Variants in PRKG1 observed in about 807,000 individuals in gnomAD.
PRKG1 encodes the protein cGMP-dependent protein kinase 1.
Under a neutral mutation model 88.1 loss-of-function variants are expected in PRKG1, and 35 were observed. That is an observed-to-expected ratio of 0.40 (90% CI 0.30 to 0.53). The LOEUF (loss-of-function observed/expected upper bound fraction) is 0.53. Ranked by LOEUF, PRKG1 falls within the 20% of genes least tolerant of loss-of-function variation. PRKG1 has a pLI of 0.59. For synonymous variants in PRKG1, 303 were observed against 292.5 expected (o/e 1.04, Z -0.37); for missense variants, 540 against 839.8 (o/e 0.64, Z 4.41).
At chr10:51,523,473 G>A (rs994689025) in intron 3 of PRKG1, among the ~76,000 whole-genome samples, 13 of 152,170 alleles carry the variant, frequency 8.5e-5, no homozygotes, top group Non-Finnish European at 1.6e-4. Context: ...GAAGCCCAGT[G>A]CTTCATGACC....
At chr10:51,643,060 T>C (rs946154004) in intron 3 of PRKG1, among the ~76,000 whole-genome samples, 1 of 152,202 alleles carries the variant, frequency 6.6e-6, no homozygotes, top group Non-Finnish European at 1.5e-5. Flanking sequence ...GCTACTGAGA[T>C]GTAATGATAG....
intron 1 of PRKG1, among the ~76,000 whole-genome samples, chr10:51,006,032 G>A (rs1271150288): frequency 6.6e-6 from 1 of 152,182 alleles, no homozygotes; most frequent in Non-Finnish European, 1.5e-5. Context: ...AGGCTGGAGG[G>A]GGAGGTGTGC....
intron 4 of PRKG1, among the ~76,000 whole-genome samples, chr10:51,851,195 G>A (rs190059345): frequency 6.6e-6 from 1 of 152,268 alleles, no homozygotes; most frequent in East Asian, 1.9e-4. Context: ...TTAACAGCAT[G>A]TATTCATCCT....
intron 3 of PRKG1, among the ~76,000 whole-genome samples, chr10:51,495,351 TC>T (rs1840823185): frequency 6.6e-6 from 1 of 152,206 alleles, no homozygotes; most frequent in Non-Finnish European, 1.5e-5. Flanking sequence ...CGCCTCGGCC[TC>T]CCAAAGTGTT....
At chr10:52,168,057 T>C (rs1838539545) in intron 9 of PRKG1, among the ~76,000 whole-genome samples, 1 of 152,204 alleles carries the variant, frequency 6.6e-6, no homozygotes, top group African/African-American at 2.4e-5. Flanking sequence ...CCATATTCAT[T>C]CACCTCTTCA....
intron 14 of PRKG1, among the ~76,000 whole-genome samples, chr10:52,286,883 TATA>T (rs1479361242): frequency 2.6e-5 from 4 of 152,000 alleles, no homozygotes; most frequent in African/African-American, 9.7e-5. Context: ...ATATGCATAA[TATA>T]ATCCTGTGTG....
chr10:51,348,661 T>G (rs982385616), intron 2 of PRKG1, among the ~76,000 whole-genome samples: 2 of 152,238 alleles, frequency 1.3e-5, no homozygotes, highest in African/African-American at 4.8e-5. Context: ...CAACCTGTAG[T>G]GAAGCTTTAA....
At chr10:51,073,572 G>C (rs953023014), upstream of PRKG1, among the ~76,000 whole-genome samples, 1 of 152,102 alleles carries the variant, frequency 6.6e-6, no homozygotes, top group Non-Finnish European at 1.5e-5. Flanking sequence ...AGGGCTCATG[G>C]GGAAGCTGAG....
chr10:52,218,144 A>G (rs917437492), intron 9 of PRKG1, among the ~76,000 whole-genome samples: 1 of 150,876 alleles, frequency 6.6e-6, no homozygotes, highest in South Asian at 2.1e-4. Context: ...CCTGGGAGGC[A>G]GAGGTTACAG....
At chr10:51,850,379 A>G (rs1464762599) in intron 4 of PRKG1, among the ~76,000 whole-genome samples, 1 of 151,950 alleles carries the variant, frequency 6.6e-6, no homozygotes, top group Non-Finnish European at 1.5e-5. Context: ...GTTTCACCAT[A>G]TTGGCCAGGT....
intron 1 of PRKG1, among the ~76,000 whole-genome samples, chr10:51,089,284 AG>A (rs753314690): frequency 6.6e-6 from 1 of 152,318 alleles, no homozygotes; most frequent in East Asian, 1.9e-4. Flanking sequence ...AATAAATACA[AG>A]CATGGGATTA....
At chr10:51,722,985 C>T (rs939693797) in intron 3 of PRKG1, among the ~76,000 whole-genome samples, 1 of 152,090 alleles carries the variant, frequency 6.6e-6, no homozygotes, top group Non-Finnish European at 1.5e-5. Context: ...TCATCCAGCC[C>T]TTTGTTTAGA....
At chr10:51,636,377 T>C (rs1389507206) in intron 3 of PRKG1, among the ~76,000 whole-genome samples, 2 of 152,188 alleles carry the variant, frequency 1.3e-5, no homozygotes. Context: ...TAAAAAATAT[T>C]TGGATCCTAT....
At chr10:51,701,864 C>T (rs972333341) in intron 3 of PRKG1, among the ~76,000 whole-genome samples, 9 of 152,162 alleles carry the variant, frequency 5.9e-5, no homozygotes, top group African/African-American at 2.2e-4. Flanking sequence ...TGTAGCAGAA[C>T]CACCTTGAGC....
intron 7 of PRKG1, chr10:52,125,846 T>C (rs1373498706): frequency 6.6e-6 from 1 of 152,188 alleles, no homozygotes; most frequent in African/African-American, 2.4e-5. Context: ...TTAAGGCTTT[T>C]CTTTGGCATA....
intron 3 of PRKG1, among the ~76,000 whole-genome samples, chr10:51,562,883 C>T (rs755032874): frequency 5.3e-5 from 8 of 152,190 alleles, no homozygotes; most frequent in Non-Finnish European, 8.8e-5. Context: ...ATCCTTTCAC[C>T]TCAGCCTCCT....
At chr10:51,840,566 G>T (rs186418701) in intron 4 of PRKG1, among the ~76,000 whole-genome samples, 2 of 135,738 alleles carry the variant, frequency 1.5e-5, no homozygotes, top group African/African-American at 2.9e-5. Context: ...TATTTATTGA[G>T]ACAAAGTCTC....
chr10:51,658,107 A>C (rs1053487128), intron 3 of PRKG1, among the ~76,000 whole-genome samples: 1 of 152,178 alleles, frequency 6.6e-6, no homozygotes, highest in African/African-American at 2.4e-5. Context: ...GAAGCAGGAA[A>C]TACGGATTTA....
At chr10:51,978,515 G>C (rs546423523) in intron 5 of PRKG1, among the ~76,000 whole-genome samples, 2 of 148,022 alleles carry the variant, frequency 1.4e-5, no homozygotes, top group South Asian at 2.2e-4. Flanking sequence ...TTGGTAGTTT[G>C]ATAGGAATAG....
Sources: gnomAD v4.1 joint callset for allele counts (sites outside exome capture counted in the v4.1 genomes callset) on GRCh38, gnomAD v4.1.1 for gene constraint, MANE v1.5 for transcripts, NCBI Gene and HGNC (gene_info 2026-07-23, HGNC 2026-07-21) for gene names.